The following CSMD3 variants were observed in gnomAD, a reference collection of about 807,000 sequenced individuals.
CSMD3 encodes CUB and Sushi multiple domains 3, also known as CUB and sushi domain-containing protein 3.
In CSMD3, 177 loss-of-function variants were observed where a neutral mutation model predicts 435.2. That is an observed-to-expected ratio of 0.41 (90% CI 0.36 to 0.46). CSMD3 has a LOEUF of 0.46. Ranked by LOEUF, CSMD3 falls within the 20% of genes least tolerant of loss-of-function variation. The pLI is 0.34. For missense variants in CSMD3, 4,265 were observed against 4,504.6 expected (o/e 0.95, Z 1.52); for synonymous variants, 1,656 against 1,520.5 (o/e 1.09, Z -2.07).
At chr8:112,368,178 T>G (rs1181426409) in intron 38 of CSMD3, among the ~76,000 whole-genome samples, 2 of 152,156 alleles carry the variant, frequency 1.3e-5, no homozygotes, top group Non-Finnish European at 2.9e-5. Flanking sequence ...AATTCTTATT[T>G]GCCAGAAGGA....
At chr8:112,607,558 A>T (rs7828620) in intron 22 of CSMD3, among the ~76,000 whole-genome samples, 7,798 of 152,162 alleles carry the variant, frequency 0.051, 251 homozygotes, top group African/African-American at 0.098. Context: ...ATCCATGATG[A>T]ACATAGATTC....
chr8:112,436,708 C>G (rs1814396596), intron 32 of CSMD3, among the ~76,000 whole-genome samples: 1 of 151,938 alleles, frequency 6.6e-6, no homozygotes, highest in African/African-American at 2.4e-5. Context: ...CAGATATACA[C>G]ACACACATTT....
At chr8:112,886,510 G>A (rs1169698786) in intron 10 of CSMD3, among the ~76,000 whole-genome samples, 1 of 151,234 alleles carries the variant, frequency 6.6e-6, no homozygotes, top group East Asian at 2.0e-4. Flanking sequence ...AGTGTTCAAT[G>A]CTATAGTGTG....
intron 13 of CSMD3, among the ~76,000 whole-genome samples, chr8:112,727,613 A>T (rs1252807070): frequency 1.3e-5 from 2 of 151,742 alleles, no homozygotes; most frequent in African/African-American, 4.8e-5. Flanking sequence ...GCCTATATAT[A>T]TATCTAATTA....
chr8:112,900,617 A>T (rs2082086884), intron 10 of CSMD3, among the ~76,000 whole-genome samples: 1 of 151,238 alleles, frequency 6.6e-6, no homozygotes, highest in Non-Finnish European at 1.5e-5. Flanking sequence ...CATCCATAAA[A>T]CTGTGGCAGT....
At chr8:113,266,777 C>A (rs530960536) in intron 3 of CSMD3, among the ~76,000 whole-genome samples, 1 of 151,562 alleles carries the variant, frequency 6.6e-6, no homozygotes, top group Non-Finnish European at 1.5e-5. Context: ...TACACATCGA[C>A]AATCATAGAA....
chr8:112,390,172 C>T (rs937106343), intron 36 of CSMD3, among the ~76,000 whole-genome samples: 5 of 152,306 alleles, frequency 3.3e-5, no homozygotes, highest in Middle Eastern at 3.4e-3. Context: ...GAGGGAAAGT[C>T]TGCTGGCAGG....
At chr8:112,393,029 C>A (rs1830574228) in intron 35 of CSMD3, among the ~76,000 whole-genome samples, 1 of 151,862 alleles carries the variant, frequency 6.6e-6, no homozygotes, top group Non-Finnish European at 1.5e-5. Context: ...TCACACCCAG[C>A]TAATTTGTGT....
chr8:112,505,003 C>T (rs1020832152), intron 29 of CSMD3, among the ~76,000 whole-genome samples: 10 of 152,088 alleles, frequency 6.6e-5, no homozygotes, highest in African/African-American at 1.4e-4. Flanking sequence ...AGATTTGTTA[C>T]GTGAAAGGCA....
At chr8:112,263,299 G>A (rs140022830) in intron 61 of CSMD3, among the ~76,000 whole-genome samples, 13 of 152,114 alleles carry the variant, frequency 8.5e-5, no homozygotes, top group African/African-American at 1.4e-4. Context: ...ATTTATTGCC[G>A]AAAAAGATTT....
intron 31 of CSMD3, 90 bp from the exon 32 acceptor site, chr8:112,472,797 C>T (rs1818660637): frequency 4.1e-6 from 3 of 736,714 alleles, no homozygotes; most frequent in African/African-American, 3.5e-5. Flanking sequence ...AAATATATGG[C>T]TAATGGAATT....
At chr8:112,764,540 A>C (rs535150691) in intron 13 of CSMD3, among the ~76,000 whole-genome samples, 1 of 151,614 alleles carries the variant, frequency 6.6e-6, no homozygotes, top group East Asian at 1.9e-4. Flanking sequence ...TCAATGGTAA[A>C]CTTGAGGGCT....
chr8:113,079,794 G>A (rs1442775245), intron 5 of CSMD3, among the ~76,000 whole-genome samples: 1 of 152,156 alleles, frequency 6.6e-6, no homozygotes, highest in Admixed American at 6.5e-5. Context: ...TCTGTGTTCA[G>A]TTATAATATT....
At chr8:112,427,665 A>T (rs1301441308) in intron 32 of CSMD3, among the ~76,000 whole-genome samples, 1 of 152,098 alleles carries the variant, frequency 6.6e-6, no homozygotes, top group Non-Finnish European at 1.5e-5. Context: ...ATTTATGATG[A>T]CCTACTGTGT....
intron 58 of CSMD3, among the ~76,000 whole-genome samples, chr8:112,282,938 A>G (rs1297329911): frequency 2.0e-5 from 3 of 152,100 alleles, no homozygotes; most frequent in Non-Finnish European, 4.4e-5. Flanking sequence ...CCAGCAGTCA[A>G]CAGACATAAT....
intron 15 of CSMD3, 140 bp downstream of exon 15, chr8:112,685,266 A>C: frequency 1.5e-6 from 1 of 656,698 alleles, no homozygotes; most frequent in Non-Finnish European, 2.6e-6. Flanking sequence ...GGAAGAAATG[A>C]CCATCCTTGG....
At chr8:113,225,559 G>A (rs547284300) in intron 3 of CSMD3, among the ~76,000 whole-genome samples, 2 of 151,336 alleles carry the variant, frequency 1.3e-5, no homozygotes, top group East Asian at 3.9e-4. Flanking sequence ...TAAATGACGA[G>A]AGAAAAAAAA....
At chr8:112,305,454 C>T (rs1465694976) in intron 51 of CSMD3, among the ~76,000 whole-genome samples, 1 of 151,966 alleles carries the variant, frequency 6.6e-6, no homozygotes, top group Non-Finnish European at 1.5e-5. Flanking sequence ...AGTTTATTCA[C>T]ATCAATATTT....
At chr8:113,060,647 T>A (rs1174511656) in intron 5 of CSMD3, among the ~76,000 whole-genome samples, 1 of 152,168 alleles carries the variant, frequency 6.6e-6, no homozygotes, top group Non-Finnish European at 1.5e-5. Context: ...TAATAAGACA[T>A]ACTCTATTTT....
Sources: gnomAD v4.1 joint callset for allele counts (sites outside exome capture counted in the v4.1 genomes callset) on GRCh38, gnomAD v4.1.1 for gene constraint, MANE v1.5 for transcripts, NCBI Gene and HGNC (gene_info 2026-07-23, HGNC 2026-07-21) for gene names.